The following ASTN2 variants were observed in gnomAD, a reference collection of about 807,000 sequenced individuals.
The protein encoded by ASTN2 is astrotactin 2, also known as astrotactin-2.
Under a neutral mutation model 139.8 loss-of-function variants are expected in ASTN2, and 54 were observed. That is an observed-to-expected ratio of 0.39 (90% CI 0.31 to 0.48). The LOEUF (loss-of-function observed/expected upper bound fraction) is 0.48. Ranked by LOEUF, ASTN2 falls within the 20% of genes least tolerant of loss-of-function variation. The probability of loss-of-function intolerance (pLI) is 0.95; values close to 1 mark genes in which losing one functional copy is unlikely to be tolerated. For synonymous variants in ASTN2, 756 were observed against 719.5 expected (o/e 1.05, Z -0.81); for missense variants, 1,565 against 1,725.1 (o/e 0.91, Z 1.64).
intron 19 of ASTN2, among the ~76,000 whole-genome samples, chr9:116,489,852 C>T (rs1002824158): frequency 6.6e-5 from 10 of 152,072 alleles, no homozygotes; most frequent in Admixed American, 2.0e-4. Flanking sequence ...ATAGACTTGA[C>T]GCGTAGATGC....
chr9:116,741,217 C>A (rs748425778), intron 13 of ASTN2, among the ~76,000 whole-genome samples: 11 of 152,176 alleles, frequency 7.2e-5, no homozygotes, highest in Non-Finnish European at 1.3e-4. Flanking sequence ...AGAGCCATCA[C>A]CCCTCAGTTC....
chr9:117,271,447 CT>C (rs1301003410), intron 2 of ASTN2, among the ~76,000 whole-genome samples: 3 of 152,312 alleles, frequency 2.0e-5, no homozygotes, highest in East Asian at 1.9e-4. Flanking sequence ...CATTCCGCCC[CT>C]GACCCCTCCA....
Position 116,519,177 on chromosome 9 carries a change from C to T in ASTN2, c.3356-31677G>A, listed in dbSNP as rs533140975. On this transcript the variant is annotated intron_variant, in intron 19 of 22. Coordinates refer to ENST00000313400, the MANE Select transcript of ASTN2 (RefSeq NM_001365068.1). ...ATGGACTTAACAGATATTTACAGAA[C>T]ATTCTACTGAATAACTGCAGAATAT... is the stretch of plus-strand genomic sequence containing the variant. Among the ~76,000 whole-genome samples, 6 of 152,202 alleles carry T rather than the reference C, an allele frequency of 3.9e-5. No individual in the cohort carries two copies. The South Asian group carries it at 8.3e-4, about 21-fold the overall frequency.
At chr9:117,080,367 T>C (rs1007306220) in intron 5 of ASTN2, among the ~76,000 whole-genome samples, 1 of 152,204 alleles carries the variant, frequency 6.6e-6, no homozygotes, top group Non-Finnish European at 1.5e-5. Context: ...CTCCTATTGT[T>C]GGACATTTGG....
chr9:117,106,192 C>T (rs1328014399), intron 4 of ASTN2, among the ~76,000 whole-genome samples: 1 of 152,114 alleles, frequency 6.6e-6, no homozygotes, highest in Non-Finnish European at 1.5e-5. Flanking sequence ...TGTGCCCACT[C>T]ACAATCTTTT....
At chr9:117,285,791 T>G (rs193171841) in intron 2 of ASTN2, among the ~76,000 whole-genome samples, 39 of 152,318 alleles carry the variant, frequency 2.6e-4, no homozygotes, top group African/African-American at 8.2e-4. Context: ...AATTTTGACC[T>G]CTTGGAATCC....
chr9:116,914,550 A>ATTG (rs1554760028), intron 10 of ASTN2, among the ~76,000 whole-genome samples: 1 of 135,802 alleles, frequency 7.4e-6, no homozygotes, highest in East Asian at 2.0e-4. Flanking sequence ...AAAGTGTTTT[A>ATTG]TTATTATTAT....
chr9:116,583,912 A>G (rs1854049030), intron 19 of ASTN2: 2 of 152,146 alleles, frequency 1.3e-5, no homozygotes, highest in African/African-American at 2.4e-5. Flanking sequence ...CCTGCCCCCA[A>G]ACAAGACCTC....
chr9:117,193,359 G>T (rs910819036), intron 3 of ASTN2, among the ~76,000 whole-genome samples: 6 of 152,124 alleles, frequency 3.9e-5, no homozygotes, highest in African/African-American at 1.4e-4. Flanking sequence ...GTCATTTCTG[G>T]CTGGGCGTGG....
At chr9:116,611,867 G>A (rs1855556289) in intron 19 of ASTN2, 1 of 152,138 alleles carries the variant, frequency 6.6e-6, no homozygotes, top group African/African-American at 2.4e-5. Flanking sequence ...GATTCTCTGA[G>A]AAGACAGATA....
intron 19 of ASTN2, among the ~76,000 whole-genome samples, chr9:116,590,906 A>G (rs1854351957): frequency 6.6e-6 from 1 of 152,166 alleles, no homozygotes; most frequent in African/African-American, 2.4e-5. Context: ...GACACTCATC[A>G]GGATGACCTG....
chr9:117,407,469 A>G (rs1831029063), intron 1 of ASTN2, among the ~76,000 whole-genome samples: 1 of 152,220 alleles, frequency 6.6e-6, no homozygotes, highest in Admixed American at 6.5e-5. Context: ...CTTGACAGTG[A>G]CTGCAGTGCT....
intron 13 of ASTN2, among the ~76,000 whole-genome samples, chr9:116,738,035 A>G (rs1828987900): frequency 6.6e-6 from 1 of 151,646 alleles, no homozygotes. Flanking sequence ...TACTAAAAAT[A>G]CAAAAAATTA....
At chr9:116,456,057 G>A (rs1848323704) in intron 20 of ASTN2, among the ~76,000 whole-genome samples, 1 of 151,534 alleles carries the variant, frequency 6.6e-6, no homozygotes, top group Non-Finnish European at 1.5e-5. Context: ...CATCTAAATT[G>A]GAAAAAATGA....
chr9:117,145,291 AT>A, intron 3 of ASTN2, among the ~76,000 whole-genome samples: 1 of 152,240 alleles, frequency 6.6e-6, no homozygotes, highest in Non-Finnish European at 1.5e-5. Context: ...GGCTGAGAAC[AT>A]GAGCTTCTGT....
chr9:116,670,685 G>T (rs879576234), intron 16 of ASTN2, among the ~76,000 whole-genome samples: 1 of 152,128 alleles, frequency 6.6e-6, no homozygotes, highest in Non-Finnish European at 1.5e-5. Flanking sequence ...GAGCAAAGAG[G>T]AGCAGGAGAT....
chr9:116,485,506 A>T (rs975600922), intron 20 of ASTN2, among the ~76,000 whole-genome samples: 8 of 152,226 alleles, frequency 5.3e-5, no homozygotes, highest in Non-Finnish European at 1.0e-4. Flanking sequence ...CACCTCACAC[A>T]TGCAGTTGTC....
intron 5 of ASTN2, among the ~76,000 whole-genome samples, chr9:117,091,008 A>G (rs1418878157): frequency 6.6e-6 from 1 of 152,194 alleles, no homozygotes; most frequent in Admixed American, 6.5e-5. Flanking sequence ...ACCCAGGCAG[A>G]GTGTGCTTTT....
chr9:116,605,027 C>T (rs1049039145), intron 19 of ASTN2, among the ~76,000 whole-genome samples: 1 of 148,594 alleles, frequency 6.7e-6, no homozygotes, highest in African/African-American at 2.5e-5. Context: ...CACAGAGTGA[C>T]ATGGAATAAA....
Sources: gnomAD v4.1 joint callset for allele counts (sites outside exome capture counted in the v4.1 genomes callset) on GRCh38, gnomAD v4.1.1 for gene constraint, MANE v1.5 for transcripts, NCBI Gene and HGNC (gene_info 2026-07-23, HGNC 2026-07-21) for gene names.